The following HIVEP1 variants were observed in gnomAD, a reference collection of about 807,000 sequenced individuals.
HIVEP1 encodes the protein zinc finger protein 40.
Under a neutral mutation model 180.0 loss-of-function variants are expected in HIVEP1, and 36 were observed. The ratio of observed to expected loss-of-function variants is 0.20; its 90% CI spans 0.15 to 0.26. The LOEUF (loss-of-function observed/expected upper bound fraction) is 0.26. HIVEP1 is among the 10% of genes least tolerant of loss of function. The pLI is 1.00. For missense variants in HIVEP1, 3,143 were observed against 3,268.7 expected, an observed-to-expected ratio of 0.96 and a Z score of 0.94; for synonymous variants, 1,239 against 1,239.0, an observed-to-expected ratio of 1.00 and a Z score of 0.00.
At chr6:12,045,492 C>T (rs755526375) in intron 2 of HIVEP1, among the ~76,000 whole-genome samples, 1 of 152,228 alleles carries the variant, frequency 6.6e-6, no homozygotes, top group Non-Finnish European at 1.5e-5. Flanking sequence ...AGGCCCAGGA[C>T]CACTGTGCTG....
the HIVEP1 span, among the ~76,000 whole-genome samples, chr6:12,210,462 A>G: frequency 7.3e-6 from 1 of 137,490 alleles, no homozygotes; most frequent in South Asian, 2.1e-4. Context: ...CAGCATAGTT[A>G]GAGTAGTTTA....
chr6:12,047,635 C>T (rs1030120732), intron 2 of HIVEP1, among the ~76,000 whole-genome samples: 27 of 152,256 alleles, frequency 1.8e-4, no homozygotes, highest in African/African-American at 6.3e-4. Flanking sequence ...TCCTGTCACA[C>T]TGCTGATTGC....
rs76808268 is a variant in HIVEP1 at position 12,021,460 on chromosome 6, C to T, written c.40+5792C>T. 7.1e-3 allele frequency among the ~76,000 whole-genome samples: 1,082 copies of T among 152,196 alleles called. 6 individuals carry two copies. The highest frequency in any genetic ancestry group is 0.016 in the African/African-American group (655 of 41,522). ...AAGATTTCACCTCTGAGTTTTTTCC[C>T]CCATTTTCTGTTCTCTTGTCAGATA... On this transcript the variant is annotated intron_variant, in intron 2 of 8. Transcript: ENST00000379388.
chr6:12,161,602 A>G lies in HIVEP1; in HGVS notation c.6651A>G (p.Pro2217=). ...PSVTASPQHL[P]SRSSLQDPVS... is the part of the protein sequence containing the mutation. ...TCACAGCTAGCCCGCAGCACCTTCC[A>G]TCTAGAAGTAGCCTTCAGGACCCTG... The change falls in exon 8 of 9, where the codon CCA becomes CCG. Residue 2217 remains proline (P), a synonymous_variant. Coordinates refer to ENST00000379388, the MANE Select transcript of HIVEP1 (RefSeq NM_002114.4). 5.6e-6 allele frequency: 9 copies of G among 1,614,128 alleles called. No homozygotes were observed. The highest frequency in any genetic ancestry group is 7.6e-6 in the Non-Finnish European group (9 of 1,180,002).
chr6:12,124,114 A>G lies in HIVEP1; in HGVS notation c.4319A>G (p.Asp1440Gly), dbSNP rs1163927531. Residue 1440 changes from aspartate (D) to glycine (G), a missense_variant, in exon 4 of 9, where the codon GAT becomes GGT. Coordinates refer to ENST00000379388, the MANE Select transcript of HIVEP1 (RefSeq NM_002114.4). ...VRQISLNIAP[D>G]SHLSPVHPTS... is the part of the protein sequence containing the mutation. ...CAAATATCTTTAAACATAGCCCCAG[A>G]TAGTCATCTGTCTCCTGTACACCCA... is the stretch of plus-strand genomic sequence containing the variant. 1.2e-6 allele frequency: 2 copies of G among 1,614,138 alleles called. No homozygotes were observed. The highest frequency in any genetic ancestry group is 2.2e-5 in the East Asian group (1 of 44,880).
chr6:12,136,297 G>A (rs910634951), intron 7 of HIVEP1, among the ~76,000 whole-genome samples: 3 of 151,570 alleles, frequency 2.0e-5, no homozygotes, highest in East Asian at 1.9e-4. Flanking sequence ...AACATTGATC[G>A]CTCTTCACCT....
rs536172230 is a variant in HIVEP1, at chr6:12,080,025, G to C, written c.41-9159G>C. On this transcript the variant is annotated intron_variant, in intron 2 of 8. Transcript: ENST00000379388. ...TTTGAATGAGTTATAGTGTCTTGCT[G>C]TTTTATTAATAAATGAGTTAAATCT... 5.3e-5 allele frequency among the ~76,000 whole-genome samples: 8 copies of C among 151,920 alleles called. No homozygotes were observed. In the South Asian group the frequency reaches 1.7e-3, roughly 32 times the overall value.
chr6:12,150,071 A>G (rs1485011873), intron 7 of HIVEP1, among the ~76,000 whole-genome samples: 1 of 152,202 alleles, frequency 6.6e-6, no homozygotes, highest in Non-Finnish European at 1.5e-5. Context: ...TCGGCATTTA[A>G]AAGAAGTTTC....
chr6:12,168,090 TACACATAC>T (rs1562024441), downstream of HIVEP1, among the ~76,000 whole-genome samples: 2 of 46,372 alleles, frequency 4.3e-5, 1 homozygote, highest in Non-Finnish European at 8.1e-5. Context: ...TATACATATA[TACACATAC>T]ACGTATATAT....
At chr6:12,103,492 A>G (rs2113407125) in intron 3 of HIVEP1, among the ~76,000 whole-genome samples, 1 of 152,222 alleles carries the variant, frequency 6.6e-6, no homozygotes, top group African/African-American at 2.4e-5. Context: ...TGGTAACTGG[A>G]TGCAAGAGTC....
intron 2 of HIVEP1, among the ~76,000 whole-genome samples, chr6:12,060,531 A>G (rs1771157353): frequency 6.6e-6 from 1 of 152,126 alleles, no homozygotes; most frequent in Non-Finnish European, 1.5e-5. Context: ...TTAAGTACTG[A>G]TTGTTTCTTG....
intron 3 of HIVEP1, among the ~76,000 whole-genome samples, chr6:12,100,613 A>C (rs1752121629): frequency 6.6e-6 from 1 of 152,208 alleles, no homozygotes; most frequent in African/African-American, 2.4e-5. Context: ...AGAGGATATA[A>C]ATTTGAAAGA....
At chr6:12,199,274 T>C in the HIVEP1 span, among the ~76,000 whole-genome samples, 80 of 151,922 alleles carry the variant, frequency 5.3e-4, no homozygotes, top group Admixed American at 1.0e-3. Context: ...ACAGGACTGA[T>C]GCATACTTAT....
the HIVEP1 span, among the ~76,000 whole-genome samples, chr6:12,204,973 C>T: frequency 6.6e-6 from 1 of 152,056 alleles, no homozygotes. Flanking sequence ...AGCATGATAG[C>T]CAGAGGGAAC....
At chr6:12,011,161 C>T (rs1404935005), upstream of HIVEP1, among the ~76,000 whole-genome samples, 6 of 152,188 alleles carry the variant, frequency 3.9e-5, no homozygotes, top group Admixed American at 2.6e-4. Flanking sequence ...CAAACCAACA[C>T]CCTGCCCCCT....
the HIVEP1 span, among the ~76,000 whole-genome samples, chr6:12,201,259 T>C: frequency 6.6e-6 from 1 of 152,174 alleles, no homozygotes; most frequent in Non-Finnish European, 1.5e-5. Context: ...GGCGAATCGT[T>C]TGAGCCCAGG....
chr6:12,106,899 T>C (rs1774463356), intron 3 of HIVEP1, among the ~76,000 whole-genome samples: 2 of 152,236 alleles, frequency 1.3e-5, no homozygotes, highest in Admixed American at 1.3e-4. Flanking sequence ...TTGATTTTTC[T>C]AATTTCTCTT....
At chr6:12,041,679 G>T (rs1269042279) in intron 2 of HIVEP1, among the ~76,000 whole-genome samples, 2 of 151,742 alleles carry the variant, frequency 1.3e-5, no homozygotes, top group African/African-American at 2.4e-5. Context: ...TGTTTGTTTT[G>T]TTGAGACAGA....
At chr6:12,182,815 AAGT>A in the HIVEP1 span, among the ~76,000 whole-genome samples, 1 of 152,186 alleles carries the variant, frequency 6.6e-6, no homozygotes, top group Non-Finnish European at 1.5e-5. Flanking sequence ...AGTACTGTGC[AAGT>A]AGAAGGTGTC....
Sources: allele counts gnomAD v4.1 joint callset (sites outside exome capture counted in the v4.1 genomes callset), GRCh38; gene constraint gnomAD v4.1.1; transcripts MANE v1.5; gene names NCBI Gene and HGNC (gene_info 2026-07-23, HGNC 2026-07-21).